The following SPRED2 variants were observed in gnomAD, a reference collection of about 807,000 sequenced individuals.
SPRED2 encodes the protein sprouty related EVH1 domain containing 2.
SPRED2 carries 47 observed loss-of-function variants against 43.0 expected under a neutral mutation model. The ratio of observed to expected loss-of-function variants is 1.09; its 90% CI spans 0.87 to 1.40. SPRED2 has a LOEUF of 1.40. Among genes scored for constraint, SPRED2 ranks in the 40% most tolerant of loss-of-function variants. The pLI is 0.00. For synonymous variants in SPRED2, 225 were observed against 225.7 expected (o/e 1.00, Z 0.03); for missense variants, 561 against 586.4 (o/e 0.96, Z 0.45).
At chr2:65,416,583 G>A (rs1676280103) in intron 1 of SPRED2, among the ~76,000 whole-genome samples, 1 of 152,088 alleles carries the variant, frequency 6.6e-6, no homozygotes, top group Non-Finnish European at 1.5e-5. Flanking sequence ...AGGGGAGGGG[G>A]GTCGCTGGAA....
intron 3 of SPRED2, among the ~76,000 whole-genome samples, chr2:65,333,321 AT>A (rs1393843618): frequency 6.6e-6 from 1 of 152,086 alleles, no homozygotes; most frequent in Non-Finnish European, 1.5e-5. Flanking sequence ...AATGAAAACA[AT>A]TGCTCAGAAA....
chr2:65,402,589 G>A lies in SPRED2; in HGVS notation c.26+29373C>T, dbSNP rs960194191. 3.3e-5 allele frequency among the ~76,000 whole-genome samples: 5 copies of A among 152,178 alleles called. No individual in the cohort carries two copies. The East Asian group carries it at 9.6e-4, about 29-fold the overall frequency. ...GATTCCATCCAGGCAGGCCTGCAGA[G>A]GGAAAGGAGAAGGGGGTAGGATTGA... On this transcript the variant is annotated intron_variant, in intron 1 of 5. Transcript: ENST00000356388.
chr2:65,415,437 T>C (rs1288929312), intron 1 of SPRED2, among the ~76,000 whole-genome samples: 1 of 120,652 alleles, frequency 8.3e-6, no homozygotes, highest in Non-Finnish European at 1.7e-5. Flanking sequence ...CAATCCTATG[T>C]TAACAAAGTT....
intron 1 of SPRED2, among the ~76,000 whole-genome samples, chr2:65,353,831 C>T (rs1674574366): frequency 1.3e-5 from 2 of 152,090 alleles, no homozygotes; most frequent in South Asian, 4.1e-4. Flanking sequence ...CTTACACCTC[C>T]AGGTCACTAG....
chr2:65,335,209 A>G (rs948629700), intron 2 of SPRED2, among the ~76,000 whole-genome samples: 1 of 152,084 alleles, frequency 6.6e-6, no homozygotes, highest in African/African-American at 2.4e-5. Flanking sequence ...ACTTCTGGCA[A>G]TACCAATCCC....
chr2:65,347,845 C>T (rs908883194), intron 1 of SPRED2, among the ~76,000 whole-genome samples: 1 of 152,126 alleles, frequency 6.6e-6, no homozygotes, highest in Admixed American at 6.5e-5. Context: ...GTTCTCTCTT[C>T]AAAATATATC....
Position 65,312,417 on chromosome 2 carries a change from A to G in SPRED2, c.*1084T>C. 1.0e-6 allele frequency: 1 copy of G among 985,374 alleles called. No individual in the cohort carries two copies. The highest frequency in any genetic ancestry group is 1.2e-6 in the Non-Finnish European group (1 of 829,924). The allele number at this position is 985,374 out of a possible 1,614,324, so 61.0% of individuals were successfully genotyped here. A position where few individuals can be genotyped will look rare whatever the true frequency, so the allele number is the denominator to read the frequency against. On this transcript the variant is annotated 3_prime_UTR_variant, in exon 6 of 6. Coordinates refer to ENST00000356388, the MANE Select transcript of SPRED2 (RefSeq NM_181784.3). ...CTCTTCAAATTTATGACATTTAAAA[A>G]TCCCCTCTCCCCATTAATATAAAAT...
intron 1 of SPRED2, among the ~76,000 whole-genome samples, chr2:65,382,682 T>C (rs1675399986): frequency 1.3e-5 from 2 of 152,362 alleles, no homozygotes; most frequent in South Asian, 4.1e-4. Context: ...ATCTAAAATA[T>C]TTGTTTCCAC....
At chr2:65,383,221 C>T (rs182119651) in intron 1 of SPRED2, among the ~76,000 whole-genome samples, 1 of 152,346 alleles carries the variant, frequency 6.6e-6, no homozygotes, top group South Asian at 2.1e-4. Context: ...CTTAACCATA[C>T]TTGTCTATCA....
chr2:65,318,614 A>G (rs1160001439), intron 4 of SPRED2, among the ~76,000 whole-genome samples: 1 of 151,848 alleles, frequency 6.6e-6, no homozygotes, highest in Non-Finnish European at 1.5e-5. Flanking sequence ...TCCTTTGGCT[A>G]CTGTTTCTTA....
chr2:65,363,005 GTTTTTTTTTTTTTT>G (rs113081105), intron 1 of SPRED2, among the ~76,000 whole-genome samples: 8 of 121,076 alleles, frequency 6.6e-5, no homozygotes, highest in Admixed American at 1.7e-4. Flanking sequence ...ATCATGTTTT[GTTTTTTTTTTTTTT>G]TTTTTTTTTT....
chr2:65,391,195 T>TACACAC (rs70943648), intron 1 of SPRED2, among the ~76,000 whole-genome samples: 15,910 of 145,540 alleles, frequency 0.11, 953 homozygotes, highest in South Asian at 0.14. Context: ...CCTTAATGTG[T>TACACAC]ACACACACAC....
intron 1 of SPRED2, among the ~76,000 whole-genome samples, chr2:65,401,023 AG>A (rs1264391260): frequency 6.6e-6 from 1 of 152,080 alleles, no homozygotes; most frequent in Non-Finnish European, 1.5e-5. Flanking sequence ...GCTGGTATGC[AG>A]TGGTGTGATC....
intron 1 of SPRED2, among the ~76,000 whole-genome samples, chr2:65,350,262 T>G (rs1048243536): frequency 1.3e-5 from 2 of 152,242 alleles, no homozygotes; most frequent in African/African-American, 2.4e-5. Flanking sequence ...TTTAAAAATT[T>G]GCACAAGGAA....
chr2:65,407,171 C>T (rs559789670), intron 1 of SPRED2, among the ~76,000 whole-genome samples: 2 of 151,534 alleles, frequency 1.3e-5, no homozygotes, highest in East Asian at 3.9e-4. Flanking sequence ...CCATGATCTG[C>T]CCGCCTTGGC....
chr2:65,314,906 G>A (rs972789823), intron 5 of SPRED2, among the ~76,000 whole-genome samples: 3 of 152,086 alleles, frequency 2.0e-5, no homozygotes, highest in South Asian at 4.1e-4. Context: ...TGAAGGCTCC[G>A]GAAACTGAAG....
intron 1 of SPRED2, among the ~76,000 whole-genome samples, chr2:65,405,120 T>C (rs80030216): frequency 0.02 from 3,012 of 152,352 alleles, 85 homozygotes; most frequent in African/African-American, 0.068. Flanking sequence ...CTCATCTAAA[T>C]GTATATACAT....
At chr2:65,394,457 C>CA (rs1329724227) in intron 1 of SPRED2, among the ~76,000 whole-genome samples, 2 of 152,258 alleles carry the variant, frequency 1.3e-5, no homozygotes, top group South Asian at 2.1e-4. Flanking sequence ...TCAATGAACA[C>CA]AAAAACTGAG....
At chr2:65,425,500 A>C (rs1244909485) in intron 1 of SPRED2, among the ~76,000 whole-genome samples, 1 of 152,266 alleles carries the variant, frequency 6.6e-6, no homozygotes. Context: ...ATGTTGATAA[A>C]GGTTACATGA....
Sources: gnomAD v4.1 joint callset for allele counts (sites outside exome capture counted in the v4.1 genomes callset) on GRCh38, gnomAD v4.1.1 for gene constraint, MANE v1.5 for transcripts, NCBI Gene and HGNC (gene_info 2026-07-23, HGNC 2026-07-21) for gene names.